Variants in EPC2 observed in about 807,000 individuals in gnomAD.
The protein encoded by EPC2 is enhancer of polycomb homolog 2.
EPC2 carries 14 observed loss-of-function variants against 92.1 expected under a neutral mutation model. That is an observed-to-expected ratio of 0.15 (90% confidence interval 0.10 to 0.24). The LOEUF (loss-of-function observed/expected upper bound fraction) is 0.24, where lower values mean the gene tolerates loss of function less well. EPC2 is among the 10% of genes least tolerant of loss of function. The probability of loss-of-function intolerance (pLI) is 1.00; values close to 1 mark genes in which losing one functional copy is unlikely to be tolerated. For synonymous variants in EPC2, 340 were observed against 334.7 expected, an observed-to-expected ratio of 1.02 and a Z score of -0.17; for missense variants, 755 against 971.5, an observed-to-expected ratio of 0.78 and a Z score of 2.96.
intron 6 of EPC2, among the ~76,000 whole-genome samples, chr2:148,763,395 G>A (rs1683340045): frequency 1.3e-5 from 2 of 151,998 alleles, no homozygotes; most frequent in Non-Finnish European, 2.9e-5. Context: ...TCCTCACTTG[G>A]TACATTAATT....
At position 148,783,511 on chromosome 2, in the gene EPC2, A is replaced by G. The variant is rs1401933843; in HGVS notation, c.1858-86A>G. 4.7e-6 allele frequency: 6 copies of G among 1,285,284 alleles called. No homozygotes were observed. The African/African-American group carries it at 8.9e-5, about 19-fold the overall frequency. The allele number at this position is 1,285,284 out of a possible 1,614,324, so 79.6% of individuals were successfully genotyped here. On this transcript the variant is annotated intron_variant, in intron 11 of 13. Coordinates refer to ENST00000258484, the MANE Select transcript of EPC2 (RefSeq NM_015630.4). ...GTAATTGTTCAAGGTTAGAAAGGCA[A>G]CAGCCTCTTGGGTTTGCCCCATCCC... is the stretch of plus-strand genomic sequence containing the variant.
At chr2:148,701,253 T>C (rs1037753331) in intron 2 of EPC2, among the ~76,000 whole-genome samples, 1 of 152,238 alleles carries the variant, frequency 6.6e-6, no homozygotes, top group South Asian at 2.1e-4. Flanking sequence ...ACTTTTTATT[T>C]CCTTTTCTTG....
intron 3 of EPC2, among the ~76,000 whole-genome samples, chr2:148,749,894 A>C (rs1034676776): frequency 6.6e-6 from 1 of 152,116 alleles, no homozygotes; most frequent in Non-Finnish European, 1.5e-5. Flanking sequence ...CTTCCATTTC[A>C]TCTCATTTAA....
In EPC2 at chr2:148,774,616, A is replaced by AT. The variant is rs1220229242; in HGVS notation, c.1720+3229_1720+3230insT. 3.5e-4 allele frequency among the ~76,000 whole-genome samples: 51 copies of AT among 143,898 alleles called. 1 individual carries two copies. The highest frequency in any genetic ancestry group is 8.8e-4 in the African/African-American group (35 of 39,764). The allele number at this position is 143,898 out of a possible 152,430, so 94.4% of individuals were successfully genotyped here. On this transcript the variant is annotated intron_variant, in intron 10 of 13. Transcript: ENST00000258484. ...GGTGAGACCCTGACTCAAAAAAAAAAATATATTTTATATATATATATATAT... is the reference window on the plus strand; with the variant it reads ...GGTGAGACCCTGACTCAAAAAAAAAATATATATTTTATATATATATATATAT...
intron 10 of EPC2, among the ~76,000 whole-genome samples, chr2:148,775,124 C>T (rs985357924): frequency 1.1e-4 from 17 of 151,140 alleles, no homozygotes; most frequent in African/African-American, 4.1e-4. Context: ...AAGAAAACCA[C>T]TTCTCAAAGA....
intron 8 of EPC2, 40 bp from the exon 9 acceptor site, chr2:148,770,752 T>A (rs769002645): frequency 7.6e-6 from 12 of 1,573,340 alleles, no homozygotes; most frequent in Non-Finnish European, 8.6e-6. Flanking sequence ...TCAGATTTAC[T>A]CCATGAGTTT....
chr2:148,782,396 G>A (rs1435334616), intron 11 of EPC2, among the ~76,000 whole-genome samples: 1 of 152,034 alleles, frequency 6.6e-6, no homozygotes, highest in Non-Finnish European at 1.5e-5. Context: ...AACTAACTGG[G>A]CATGGTGGTG....
chr2:148,747,558 A>G (rs1228882077), intron 3 of EPC2, among the ~76,000 whole-genome samples: 1 of 152,102 alleles, frequency 6.6e-6, no homozygotes, highest in African/African-American at 2.4e-5. Flanking sequence ...GTTTGGCTAT[A>G]CTTGGTGCTT....
chr2:148,725,860 A>G (rs564350070), intron 2 of EPC2, among the ~76,000 whole-genome samples: 101 of 152,280 alleles, frequency 6.6e-4, no homozygotes, highest in African/African-American at 2.3e-3. Flanking sequence ...TTTTAAGTGT[A>G]CATTACAGGT....
chr2:148,726,765 G>GTTTTTTTTTTTTTTTGTTTTTTTTT (rs201293391), intron 2 of EPC2, among the ~76,000 whole-genome samples: 1 of 100,608 alleles, frequency 9.9e-6, no homozygotes, highest in African/African-American at 3.9e-5. Context: ...TTTGTTTTTT[G>GTTTTTTTTTTTTTTTGTTTTTTTTT]TTTTTTTTTT....
At chr2:148,703,679 C>T (rs562085583) in intron 2 of EPC2, among the ~76,000 whole-genome samples, 4 of 152,196 alleles carry the variant, frequency 2.6e-5, no homozygotes, top group African/African-American at 7.2e-5. Flanking sequence ...CAGCTGTGCA[C>T]CACTATGCCT....
At chr2:148,682,910 A>G (rs1681433321) in intron 1 of EPC2, among the ~76,000 whole-genome samples, 1 of 152,058 alleles carries the variant, frequency 6.6e-6, no homozygotes, top group South Asian at 2.1e-4. Context: ...CAGGCAACCA[A>G]CTAATATATT....
chr2:148,677,852 G>A (rs953056577), intron 1 of EPC2, among the ~76,000 whole-genome samples: 1 of 152,106 alleles, frequency 6.6e-6, no homozygotes, highest in African/African-American at 2.4e-5. Context: ...GGTCTCGCTG[G>A]CTTCAGGAGT....
At chr2:148,650,124 T>C (rs984013358) in intron 1 of EPC2, among the ~76,000 whole-genome samples, 1 of 152,220 alleles carries the variant, frequency 6.6e-6, no homozygotes. Flanking sequence ...AGGGCAAAGA[T>C]CTTTGCTTAT....
chr2:148,660,323 C>G (rs904743184), intron 1 of EPC2, among the ~76,000 whole-genome samples: 1 of 152,028 alleles, frequency 6.6e-6, no homozygotes, highest in African/African-American at 2.4e-5. Context: ...TTCACTGTAG[C>G]CTGAGACATG....
chr2:148,757,383 A>AAT (rs953022300), intron 4 of EPC2, among the ~76,000 whole-genome samples: 8 of 151,868 alleles, frequency 5.3e-5, no homozygotes, highest in African/African-American at 1.5e-4. Flanking sequence ...CTCAAAACAA[A>AAT]ATATATATAT....
intron 1 of EPC2, among the ~76,000 whole-genome samples, chr2:148,683,807 A>G (rs935981541): frequency 3.3e-5 from 5 of 152,192 alleles, no homozygotes; most frequent in African/African-American, 9.7e-5. Flanking sequence ...ATATTTTTGC[A>G]ATTGCAAATT....
At chr2:148,755,754 A>G (rs914021028) in intron 4 of EPC2, among the ~76,000 whole-genome samples, 5 of 152,082 alleles carry the variant, frequency 3.3e-5, no homozygotes, top group African/African-American at 1.2e-4. Flanking sequence ...TCAGATCTTT[A>G]TTTGTTCGAT....
chr2:148,716,716 C>T (rs189786578), intron 2 of EPC2, among the ~76,000 whole-genome samples: 40 of 152,200 alleles, frequency 2.6e-4, no homozygotes, highest in Non-Finnish European at 4.4e-4. Flanking sequence ...TTTGTTTTAT[C>T]TCTGCCAGGT....
Sources: allele counts gnomAD v4.1 joint callset (sites outside exome capture counted in the v4.1 genomes callset), GRCh38; gene constraint gnomAD v4.1.1; transcripts MANE v1.5; gene names NCBI Gene and HGNC (gene_info 2026-07-23, HGNC 2026-07-21).